Variants in EDEM2 observed in about 807,000 individuals in gnomAD.
EDEM2 encodes ER degradation-enhancing alpha-mannosidase-like protein 2.
In EDEM2, 39 loss-of-function variants were observed where a neutral mutation model predicts 64.8. That is an observed-to-expected ratio of 0.60 (90% CI 0.47 to 0.79). The LOEUF is 0.79. Ranked by LOEUF, EDEM2 falls within the 30% of genes least tolerant of loss-of-function variation. The probability of loss-of-function intolerance (pLI) is 0.00; values close to 1 mark genes in which losing one functional copy is unlikely to be tolerated. For missense variants in EDEM2, 609 were observed against 731.3 expected (o/e 0.83, Z 1.93); for synonymous variants, 296 against 291.5 (o/e 1.02, Z -0.16).
At chr20:35,130,350 A>C (rs1036959879) in intron 7 of EDEM2, among the ~76,000 whole-genome samples, 47 of 152,156 alleles carry the variant, frequency 3.1e-4, no homozygotes, top group African/African-American at 1.1e-3. Flanking sequence ...GATTAAAGGC[A>C]TGAGCCACTG....
At chr20:35,120,748 C>T (rs2085359156) in intron 9 of EDEM2, among the ~76,000 whole-genome samples, 1 of 152,066 alleles carries the variant, frequency 6.6e-6, no homozygotes, top group Non-Finnish European at 1.5e-5. Context: ...CAGGCACATG[C>T]CACCGTGCCC....
At chr20:35,131,190 C>G (rs6120843) in intron 7 of EDEM2, among the ~76,000 whole-genome samples, 39,667 of 152,106 alleles carry the variant, frequency 0.26, 8,736 homozygotes, top group African/African-American at 0.6. Context: ...AAGAAGGCAT[C>G]AAGTGCTGTA....
intron 10 of EDEM2, among the ~76,000 whole-genome samples, chr20:35,117,697 C>T (rs763777031): frequency 2.6e-5 from 4 of 152,154 alleles, no homozygotes; most frequent in Non-Finnish European, 5.9e-5. Context: ...GAATTCCATA[C>T]CCCAACACTG....
At chr20:35,134,633 T>C in intron 6 of EDEM2, 105 bp downstream of exon 6, 1 of 1,330,408 alleles carries the variant, frequency 7.5e-7, no homozygotes, top group South Asian at 1.4e-5. Context: ...CCTGGACCAC[T>C]CCCAAGGTCA....
intron 10 of EDEM2, 113 bp from the exon 11 acceptor site, chr20:35,116,046 C>A (rs565536178): frequency 1.7e-6 from 2 of 1,169,498 alleles, no homozygotes; most frequent in Non-Finnish European, 2.4e-6. Context: ...GGCCTGTGAG[C>A]AAATCACTGA....
At position 35,139,245 on chromosome 20, in the gene EDEM2, G is replaced by A. The variant is rs551801600; in HGVS notation, c.365-1240C>T. ...AGCGCCTGCAGTCCCAGCTACTTGG[G>A]AAGCTGAGGCAGAAGAATGGCTTAA... On this transcript the variant is annotated intron_variant, in intron 4 of 10. Coordinates refer to ENST00000374492, the MANE Select transcript of EDEM2 (RefSeq NM_018217.3). Among the ~76,000 whole-genome samples, 4 of 152,108 alleles carry A rather than the reference G, an allele frequency of 2.6e-5. No homozygotes were observed. In the South Asian group the frequency reaches 8.3e-4, roughly 32 times the overall value.
chr20:35,137,646 C>A (rs1375744898), intron 5 of EDEM2, among the ~76,000 whole-genome samples: 1 of 152,190 alleles, frequency 6.6e-6, no homozygotes, highest in Non-Finnish European at 1.5e-5. Context: ...CACCTTCAAC[C>A]ATCCCCTGCA....
chr20:35,115,536 T>C lies in EDEM2; in HGVS notation c.1634A>G (p.Glu545Gly). Residue 545 changes from glutamate to glycine, a missense_variant, in exon 11 of 11, where the codon GAG (glutamate) becomes GGG (glycine). Coordinates refer to ENST00000374492, the MANE Select transcript of EDEM2 (RefSeq NM_018217.3). ...GACCTTCTGTTTGGCAGGCTTCCTC[T>C]CCCTTGCCTGGTCATGGTTTTCTGG... Reference protein sequence around the residue: ...FSPENHDQARERKPAKQKVPL... With the variant: ...FSPENHDQARGRKPAKQKVPL... 1 of 1,614,158 alleles carries C rather than the reference T, an allele frequency of 6.2e-7. No individual in the cohort carries two copies. Among genetic ancestry groups the C allele is most frequent in the South Asian group, 1.1e-5 (1 of 91,086 alleles).
chr20:35,123,485 G>C (rs967820334), intron 9 of EDEM2, among the ~76,000 whole-genome samples: 4 of 152,064 alleles, frequency 2.6e-5, no homozygotes, highest in African/African-American at 9.7e-5. Flanking sequence ...CCAGCTACTC[G>C]GGAGGCTGAG....
intron 10 of EDEM2, 56 bp downstream of exon 10, chr20:35,118,542 C>G: frequency 6.2e-7 from 1 of 1,610,906 alleles, no homozygotes; most frequent in Non-Finnish European, 8.5e-7. Flanking sequence ...CTTAAAGAGG[C>G]TTTTTAGCAG....
At chr20:35,143,326 A>C (rs1266768007) in intron 3 of EDEM2, among the ~76,000 whole-genome samples, 1 of 152,224 alleles carries the variant, frequency 6.6e-6, no homozygotes, top group Non-Finnish European at 1.5e-5. Context: ...AAACACAGCT[A>C]ACATGGCTTT....
chr20:35,146,120 A>G (rs545739158), intron 2 of EDEM2, among the ~76,000 whole-genome samples: 60 of 152,272 alleles, frequency 3.9e-4, no homozygotes, highest in African/African-American at 1.4e-3. Context: ...ATAAACCAAG[A>G]ATATTTCTGG....
intron 7 of EDEM2, among the ~76,000 whole-genome samples, chr20:35,128,765 C>A (rs2085469611): frequency 6.7e-6 from 1 of 149,884 alleles, no homozygotes; most frequent in Admixed American, 6.7e-5. Flanking sequence ...GTGTTTGTAG[C>A]TTAGTTTTTA....
chr20:35,146,981 C>G (rs375195674), intron 1 of EDEM2, 46 bp from the exon 2 acceptor site: 28 of 1,591,234 alleles, frequency 1.8e-5, no homozygotes, highest in Non-Finnish European at 2.4e-5. Flanking sequence ...AACACAAAAA[C>G]AAGCGGGGGA....
In EDEM2 at chr20:35,126,293, C is replaced by T. The variant is rs1434597908; in HGVS notation, c.927G>A (p.Met309Ile). The T allele has an allele frequency of 6.2e-7, 1 of 1,614,086 alleles. No homozygotes were observed. Among genetic ancestry groups the T allele is most frequent in the Admixed American group, 1.7e-5 (1 of 60,016 alleles). The change falls in exon 8 of 11, where the codon ATG becomes ATA. Residue 309 changes from methionine to isoleucine, a missense_variant. Coordinates refer to ENST00000374492, the MANE Select transcript of EDEM2 (RefSeq NM_018217.3). ...WVQMYKGTVS[M>I]PVFQSLEAYW... ...AGGCCTCCAAGGACTGGAAGACTGG[C>T]ATGGACACAGTCCCCTTGTACATCT...
At chr20:35,134,287 G>T in intron 6 of EDEM2, 1 of 380,232 alleles carries the variant, frequency 2.6e-6, no homozygotes, top group Non-Finnish European at 5.1e-6. Flanking sequence ...AAAAGGGGGG[G>T]ATATTATATC....
intron 4 of EDEM2, among the ~76,000 whole-genome samples, chr20:35,139,587 T>A (rs1382650483): frequency 6.7e-6 from 1 of 149,490 alleles, no homozygotes; most frequent in African/African-American, 2.5e-5. Context: ...GAGGCGGAGG[T>A]TGCAGTGAGC....
intron 8 of EDEM2, 124 bp downstream of exon 8, chr20:35,126,127 C>T (rs2085429134): frequency 2.2e-5 from 28 of 1,299,802 alleles, no homozygotes; most frequent in Non-Finnish European, 2.8e-5. Context: ...CTTCCATCCT[C>T]AACCTGTCCC....
At position 35,115,447 on chromosome 20, in the gene EDEM2, G is replaced by A. The variant is rs1156845793; in HGVS notation, c.1723C>T (p.Leu575=). ...SKLALLGQVF[L]DSS Reference sequence around the variant, plus strand: ...TTATCCAGTGGTTATGAGGAGTCTAGGAAAACCTGTCCCAGTAATGCCAAC... The same window carrying A: ...TTATCCAGTGGTTATGAGGAGTCTAAGAAAACCTGTCCCAGTAATGCCAAC... Residue 575 remains leucine, a synonymous_variant, in exon 11 of 11, where the codon CTA becomes TTA. Transcript: ENST00000374492. The A allele has an allele frequency of 6.2e-7, 1 of 1,613,722 alleles. No individual in the cohort carries two copies. Among genetic ancestry groups the A allele is most frequent in the Admixed American group, 1.7e-5 (1 of 60,000 alleles).
Sources: gnomAD v4.1 joint callset for allele counts (sites outside exome capture counted in the v4.1 genomes callset) on GRCh38, gnomAD v4.1.1 for gene constraint, MANE v1.5 for transcripts, NCBI Gene and HGNC (gene_info 2026-07-23, HGNC 2026-07-21) for gene names.